Variants in HAL observed in about 807,000 individuals in gnomAD.
HAL encodes the protein histidase.
HAL carries 85 observed loss-of-function variants against 81.1 expected under a neutral mutation model. The ratio of observed to expected loss-of-function variants is 1.05; its 90% confidence interval spans 0.88 to 1.25. HAL has a LOEUF of 1.25. Ranked by LOEUF, HAL falls within the 50% of genes most tolerant of loss-of-function variation. HAL has a pLI of 0.00. For missense variants in HAL, 798 were observed against 836.6 expected (o/e 0.95, Z 0.57); for synonymous variants, 301 against 309.2 (o/e 0.97, Z 0.28).
intron 8 of HAL, 131 bp downstream of exon 8, chr12:95,993,320 C>T (rs542148755): frequency 5.3e-6 from 4 of 754,854 alleles, no homozygotes; most frequent in East Asian, 2.5e-5. Flanking sequence ...CTTCTCACCT[C>T]GGCACCTAGT....
intron 14 of HAL, 23 bp downstream of exon 14, chr12:95,985,885 C>CTTTTTTTTTTTT: frequency 8.2e-7 from 1 of 1,224,586 alleles, no homozygotes; most frequent in Non-Finnish European, 1.1e-6. Context: ...TTTTATTGAC[C>CTTTTTTTTTTTT]TTTTTTTTTT....
At chr12:95,985,624 CAAAAAAAAAAA>C (rs56285140) in intron 14 of HAL, among the ~76,000 whole-genome samples, 13 of 77,218 alleles carry the variant, frequency 1.7e-4, no homozygotes, top group African/African-American at 5.9e-4. Flanking sequence ...TTGTCTGTCT[CAAAAAAAAAAA>C]AAAAAAAAAA....
At position 95,995,728 on chromosome 12, in the gene HAL, C is replaced by G. The variant is rs1241727881; in HGVS notation, c.183G>C (p.Leu61=). ...AHFLVRRCKG[L]GLLDNEDRLE... is the part of the protein sequence containing the mutation. Reference sequence around the variant, plus strand: ...GCCGGTCCTCGTTGTCCAGCAGGCCCAGGCCCTTGCACCGGCGCACAAGGA... The same window carrying G: ...GCCGGTCCTCGTTGTCCAGCAGGCCGAGGCCCTTGCACCGGCGCACAAGGA... The change falls in exon 2 of 21, where the codon CTG becomes CTC. Residue 61 remains leucine (L), a synonymous_variant. Transcript: ENST00000261208. 3 of 1,613,836 alleles carry G rather than the reference C, an allele frequency of 1.9e-6. No homozygotes were observed. The highest frequency in any genetic ancestry group is 4.5e-5 in the East Asian group (2 of 44,882).
In HAL at chr12:95,980,659, CTCGAT is replaced by C. The variant is rs1302975636; in HGVS notation, c.1411_1415del (p.Ile471AlafsTer9). Reference sequence around the variant, plus strand: ...CACTGAGGGAGGGATTGCAGAGCCGCTCGATTCTTCTCTCACTGATTGCAGCAAGT... The same window carrying C: ...CACTGAGGGAGGGATTGCAGAGCCGCTCTTCTCTCACTGATTGCAGCAAGT... On this transcript the variant is annotated frameshift_variant, in exon 17 of 21. Coordinates refer to ENST00000261208, the MANE Select transcript of HAL (RefSeq NM_002108.4). LOFTEE classifies it high-confidence loss of function. The C allele has an allele frequency of 6.2e-7, 1 of 1,613,874 alleles. No homozygotes were observed. Among genetic ancestry groups the C allele is most frequent in the Non-Finnish European group, 8.5e-7 (1 of 1,179,854 alleles).
Position 95,994,958 on chromosome 12 carries a change from G to A in HAL, c.283C>T (p.Pro95Ser). 1 of 1,612,900 alleles carries A rather than the reference G, an allele frequency of 6.2e-7. No individual in the cohort carries two copies. Among genetic ancestry groups the A allele is most frequent in the Non-Finnish European group, 8.5e-7 (1 of 1,178,916 alleles). Reference sequence around the variant, plus strand: ...AGATAAACTCCTTCTGGTTGAGATGGAATGAAGTCAGGAGACATGGCATCA... The same window carrying A: ...AGATAAACTCCTTCTGGTTGAGATGAAATGAAGTCAGGAGACATGGCATCA... Reference protein sequence around the residue: ...EGDAMSPDFIPSQPEGVYLYS... With the variant: ...EGDAMSPDFISSQPEGVYLYS... Residue 95 changes from proline to serine, a missense_variant, in exon 3 of 21, where the codon CCA becomes TCA. Pro to Ser is a moderately conservative substitution (Grantham distance 74). Coordinates refer to ENST00000261208, the MANE Select transcript of HAL (RefSeq NM_002108.4).
intron 20 of HAL, among the ~76,000 whole-genome samples, chr12:95,974,786 C>A (rs1353722438): frequency 2.6e-5 from 4 of 152,068 alleles, no homozygotes; most frequent in African/African-American, 9.7e-5. Context: ...GTCGCCCAGG[C>A]TGGAGTGCAG....
intron 2 of HAL, 133 bp downstream of exon 2, chr12:95,995,531 T>C: frequency 8.3e-7 from 1 of 1,205,838 alleles, no homozygotes; most frequent in Admixed American, 1.8e-5. Context: ...AGGCGTGGCA[T>C]GTGCCTGCAC....
chr12:95,992,868 G>GCCCTCTCT, intron 8 of HAL, 63 bp from the exon 9 acceptor site: 3 of 1,320,362 alleles, frequency 2.3e-6, no homozygotes, highest in Non-Finnish European at 3.2e-6. Flanking sequence ...CCTGACAATT[G>GCCCTCTCT]CCCTCCCTCC....
chr12:95,991,115 T>C (rs988048991), intron 9 of HAL, among the ~76,000 whole-genome samples: 2 of 152,022 alleles, frequency 1.3e-5, no homozygotes, highest in Non-Finnish European at 2.9e-5. Flanking sequence ...GTCTCCTAAA[T>C]AAATAAGAAG....
chr12:95,995,297 G>C (rs1592852888), intron 2 of HAL: 1 of 565,472 alleles, frequency 1.8e-6, no homozygotes, highest in Non-Finnish European at 3.2e-6. Flanking sequence ...CCGGCCTCCA[G>C]TCTGGGGGTG....
intron 8 of HAL, 94 bp downstream of exon 8, chr12:95,993,357 G>C: frequency 2.3e-6 from 2 of 868,672 alleles, no homozygotes; most frequent in Non-Finnish European, 4.0e-6. Context: ...TGAGAAACTA[G>C]CTTTTTGTGA....
chr12:95,978,860 T>C (rs183136244), intron 17 of HAL, among the ~76,000 whole-genome samples: 127 of 152,302 alleles, frequency 8.3e-4, no homozygotes, highest in African/African-American at 3.0e-3. Context: ...AGAGTGGTCA[T>C]GGGTGAGGCT....
chr12:95,976,568 T>C (rs374245828), intron 19 of HAL, 30 bp downstream of exon 19: 1 of 1,591,456 alleles, frequency 6.3e-7, no homozygotes. Flanking sequence ...GCTGAACTGA[T>C]GTAATTTTCA....
Position 95,995,259 on chromosome 12 carries a change from C to T in HAL, c.248-266G>A, listed in dbSNP as rs1257989751. The T allele has an allele frequency of 5.1e-6, 3 of 582,630 alleles. No individual in the cohort carries two copies. The East Asian group carries it at 8.8e-5, about 17-fold the overall frequency. The allele number at this position is 582,630 out of a possible 1,614,324, so 36.1% of individuals were successfully genotyped here. A position where few individuals can be genotyped will look rare whatever the true frequency, so the allele number is the denominator to read the frequency against. On this transcript the variant is annotated intron_variant, in intron 2 of 20. Coordinates refer to ENST00000261208, the MANE Select transcript of HAL (RefSeq NM_002108.4). ...CCATCCCCATTCCCAGCTTTATTTT[C>T]TTCAAAATCTGAACTGATGCTATGC...
chr12:95,976,462 G>T lies in HAL; in HGVS notation c.1800C>A (p.Ile600=). Residue 600 remains isoleucine, a synonymous_variant, in exon 20 of 21, where the codon ATC becomes ATA. Coordinates refer to ENST00000261208, the MANE Select transcript of HAL (RefSeq NM_002108.4). ...WIKDRFMAPD[I]EAAHRLLLEQ... ...CCAGGAGCAGCCTGTGGGCTGCCTC[G>T]ATGTCCGGGGCCATGAAGCGATCTT... 1 of 1,614,032 alleles carries T rather than the reference G, an allele frequency of 6.2e-7. No individual in the cohort carries two copies.
intron 9 of HAL, 100 bp downstream of exon 9, chr12:95,992,580 T>G: frequency 9.3e-7 from 1 of 1,071,694 alleles, no homozygotes; most frequent in Non-Finnish European, 1.4e-6. Flanking sequence ...AATTATTTCA[T>G]GTCTTCTCAG....
In HAL at chr12:95,972,737, G is replaced by C. The variant is rs1016095589; in HGVS notation, c.*1495C>G. ...GCGTGTGCTGTCAGTTACTAATAGA[G>C]CTGTGTAGAAAACTCAGTGACAAAG... On this transcript the variant is annotated 3_prime_UTR_variant, in exon 21 of 21. Coordinates refer to ENST00000261208, the MANE Select transcript of HAL (RefSeq NM_002108.4). 1 of 152,312 alleles carries C rather than the reference G, an allele frequency of 6.6e-6. No individual in the cohort carries two copies. Among genetic ancestry groups the C allele is most frequent in the African/African-American group, 2.4e-5 (1 of 41,562 alleles). 9.4% of individuals were successfully genotyped at this position (152,312 alleles called of 1,614,324 possible). A position where few individuals can be genotyped will look rare whatever the true frequency, so the allele number is the denominator to read the frequency against.
chr12:95,979,395 C>T (rs1286166054), intron 17 of HAL, among the ~76,000 whole-genome samples: 1 of 152,076 alleles, frequency 6.6e-6, no homozygotes, highest in East Asian at 1.9e-4. Context: ...TTATGATGTG[C>T]CAGGCTTTAT....
At chr12:95,988,353 A>G (rs1318655533) in intron 10 of HAL, 113 bp from the exon 11 acceptor site, 5 of 730,082 alleles carry the variant, frequency 6.8e-6, no homozygotes, top group Admixed American at 6.0e-5. Context: ...ATCTTATAAG[A>G]AATGAGACCT....
Sources: allele counts gnomAD v4.1 joint callset (sites outside exome capture counted in the v4.1 genomes callset), GRCh38; gene constraint gnomAD v4.1.1; transcripts MANE v1.5; gene names NCBI Gene and HGNC (gene_info 2026-07-23, HGNC 2026-07-21).